KIF16B: variants seen among roughly 807,000 people sequenced by gnomAD.
The protein encoded by KIF16B is kinesin-like protein KIF16B.
In KIF16B, 98 loss-of-function variants were observed where a neutral mutation model predicts 156.3. The observed-to-expected ratio is 0.63, with a 90% CI of 0.53 to 0.74. The LOEUF (loss-of-function observed/expected upper bound fraction) is 0.74, where lower values mean the gene tolerates loss of function less well. Among genes scored for constraint, KIF16B ranks in the 30% least tolerant of loss-of-function variants. The pLI is 0.00. For missense variants in KIF16B, 1,421 were observed against 1,606.5 expected, an observed-to-expected ratio of 0.88 and a Z score of 1.97; for synonymous variants, 564 against 583.7, an observed-to-expected ratio of 0.97 and a Z score of 0.49.
intron 25 of KIF16B, among the ~76,000 whole-genome samples, chr20:16,304,260 C>T (rs2063511477): frequency 6.6e-6 from 1 of 152,162 alleles, no homozygotes; most frequent in Non-Finnish European, 1.5e-5. Context: ...TGAGATTTTT[C>T]CCACATACCC....
At chr20:16,330,467 G>A (rs1318904491) in intron 24 of KIF16B, among the ~76,000 whole-genome samples, 1 of 152,202 alleles carries the variant, frequency 6.6e-6, no homozygotes, top group Non-Finnish European at 1.5e-5. Flanking sequence ...TTTTCAGAAA[G>A]TCTTTAAGAA....
intron 23 of KIF16B, among the ~76,000 whole-genome samples, chr20:16,343,143 T>G (rs1200060010): frequency 6.6e-6 from 1 of 152,212 alleles, no homozygotes; most frequent in Non-Finnish European, 1.5e-5. Flanking sequence ...AGGAGCAAAT[T>G]CATTACTTCT....
intron 21 of KIF16B, among the ~76,000 whole-genome samples, chr20:16,371,189 C>A (rs2123308870): frequency 6.6e-6 from 1 of 152,278 alleles, no homozygotes; most frequent in Non-Finnish European, 1.5e-5. Context: ...TCTGCCCAAG[C>A]AATATTTAAT....
intron 23 of KIF16B, among the ~76,000 whole-genome samples, chr20:16,353,901 A>G (rs535995465): frequency 1.3e-5 from 2 of 152,320 alleles, no homozygotes; most frequent in African/African-American, 4.8e-5. Context: ...AGTTGGTGCT[A>G]ACACATTCCT....
chr20:16,405,351 G>A (rs2065756152), intron 16 of KIF16B, among the ~76,000 whole-genome samples: 1 of 152,148 alleles, frequency 6.6e-6, no homozygotes, highest in African/African-American at 2.4e-5. Context: ...TCCAAGGGAA[G>A]CTATTGGCAA....
chr20:16,467,237 C>A (rs1461842360), intron 12 of KIF16B, among the ~76,000 whole-genome samples: 5 of 152,168 alleles, frequency 3.3e-5, no homozygotes, highest in Non-Finnish European at 7.3e-5. Flanking sequence ...TGAAGTTCAA[C>A]AGGGGCACAA....
intron 22 of KIF16B, chr20:16,369,231 C>T (rs2064756908): frequency 7.1e-6 from 7 of 985,626 alleles, no homozygotes; most frequent in Non-Finnish European, 1.2e-6. Context: ...TGGGCAGAAG[C>T]GGGTCAAGAT....
chr20:16,419,000 T>G (rs2066160140), intron 15 of KIF16B, among the ~76,000 whole-genome samples: 1 of 152,022 alleles, frequency 6.6e-6, no homozygotes, highest in Admixed American at 6.6e-5. Context: ...AGTTGACATG[T>G]GCATCAGAAT....
At chr20:16,545,284 A>G (rs2070362320) in intron 1 of KIF16B, among the ~76,000 whole-genome samples, 1 of 152,120 alleles carries the variant, frequency 6.6e-6, no homozygotes, top group African/African-American at 2.4e-5. Flanking sequence ...TAATCCCAGT[A>G]CTTTGGGAAG....
At chr20:16,346,148 C>T (rs1383082627) in intron 23 of KIF16B, among the ~76,000 whole-genome samples, 4 of 152,214 alleles carry the variant, frequency 2.6e-5, no homozygotes, top group African/African-American at 9.6e-5. Flanking sequence ...GAACCTGAAG[C>T]TTGACCAACT....
intron 18 of KIF16B, 128 bp downstream of exon 18, chr20:16,381,566 T>G: frequency 1.9e-6 from 1 of 537,970 alleles, no homozygotes; most frequent in Non-Finnish European, 3.0e-6. Flanking sequence ...ATTAGACATG[T>G]AAATAACAGA....
intron 1 of KIF16B, among the ~76,000 whole-genome samples, chr20:16,561,600 A>C (rs1043083606): frequency 2.0e-5 from 3 of 152,168 alleles, no homozygotes; most frequent in Admixed American, 1.3e-4. Context: ...ATATTTATTA[A>C]TTACAAACAG....
chr20:16,294,814 C>T (rs747566233), intron 25 of KIF16B, among the ~76,000 whole-genome samples: 2 of 152,144 alleles, frequency 1.3e-5, no homozygotes, highest in Admixed American at 6.5e-5. Flanking sequence ...GGGACTCCAG[C>T]TTTAGCCATA....
intron 12 of KIF16B, among the ~76,000 whole-genome samples, chr20:16,447,382 C>A (rs1315742235): frequency 1.3e-5 from 2 of 151,922 alleles, no homozygotes; most frequent in East Asian, 1.9e-4. Context: ...CTCTGCAGAT[C>A]GTGGGGCGTG....
intron 17 of KIF16B, among the ~76,000 whole-genome samples, chr20:16,385,197 C>CA (rs530915390): frequency 0.19 from 23,131 of 125,028 alleles, 1,844 homozygotes; most frequent in African/African-American, 0.22. Flanking sequence ...AACTCTGTCT[C>CA]AAAAAAAAAA....
chr20:16,366,180 A>G (rs752877601), intron 22 of KIF16B, among the ~76,000 whole-genome samples: 1 of 152,102 alleles, frequency 6.6e-6, no homozygotes, highest in Non-Finnish European at 1.5e-5. Flanking sequence ...GTGGAGCTTC[A>G]TGGAGAGAGA....
chr20:16,359,449 C>T (rs939544339), intron 22 of KIF16B, among the ~76,000 whole-genome samples: 1 of 152,110 alleles, frequency 6.6e-6, no homozygotes, highest in African/African-American at 2.4e-5. Flanking sequence ...GAATAAGAAG[C>T]CAGTGCTATA....
At chr20:16,295,184 C>T (rs1171644641) in intron 25 of KIF16B, among the ~76,000 whole-genome samples, 1 of 152,146 alleles carries the variant, frequency 6.6e-6, no homozygotes, top group African/African-American at 2.4e-5. Context: ...CCATAAGCTC[C>T]CAGCTTGCCC....
rs766261496 is a variant in KIF16B at position 16,380,086 on chromosome 20, G to A, written c.1916C>T (p.Thr639Ile). Residue 639 changes from threonine to isoleucine, a missense_variant, in exon 19 of 26, where the codon ACC becomes ATC. Transcript: ENST00000354981. ...ELERMQQEVE[T>I]QRKETEIVQL... Reference sequence around the variant, plus strand: ...CACGATTTCTGTCTCCTTGCGCTGGGTCTCCACCTCCTGCTGCATCCGCTC... The same window carrying A: ...CACGATTTCTGTCTCCTTGCGCTGGATCTCCACCTCCTGCTGCATCCGCTC... 5 of 1,535,606 alleles carry A rather than the reference G, an allele frequency of 3.3e-6. No homozygotes were observed. The highest frequency in any genetic ancestry group is 4.3e-5 in the Admixed American group (2 of 46,260).
Sources: allele counts gnomAD v4.1 joint callset (sites outside exome capture counted in the v4.1 genomes callset), GRCh38; gene constraint gnomAD v4.1.1; transcripts MANE v1.5; gene names NCBI Gene and HGNC (gene_info 2026-07-23, HGNC 2026-07-21).